TAF15: variants seen among roughly 807,000 people sequenced by gnomAD.
TAF15 encodes the protein TATA-binding protein-associated factor 2N.
A neutral mutation model predicts 102.5 loss-of-function variants in TAF15; 37 were observed. That is an observed-to-expected ratio of 0.36 (90% confidence interval 0.28 to 0.47). The LOEUF is 0.47. Among genes scored for constraint, TAF15 ranks in the 20% least tolerant of loss-of-function variants. The probability of loss-of-function intolerance (pLI) is 0.99; values close to 1 mark genes in which losing one functional copy is unlikely to be tolerated. For missense variants in TAF15, 652 were observed against 760.7 expected (o/e 0.86, Z 1.68); for synonymous variants, 273 against 259.2 (o/e 1.05, Z -0.51).
chr17:35,830,928 T>A (rs1302856817), intron 7 of TAF15, among the ~76,000 whole-genome samples: 1 of 152,196 alleles, frequency 6.6e-6, no homozygotes, highest in Non-Finnish European at 1.5e-5. Flanking sequence ...GTTAAGGAGA[T>A]TGAAGCTTAT....
intron 1 of TAF15, among the ~76,000 whole-genome samples, chr17:35,813,559 C>A (rs189914537): frequency 2.0e-5 from 3 of 151,942 alleles, no homozygotes; most frequent in Non-Finnish European, 4.4e-5. Flanking sequence ...TTGCTTGAGC[C>A]CAGGAAATCG....
At chr17:35,841,923 C>G (rs1020510856) in intron 11 of TAF15, among the ~76,000 whole-genome samples, 1 of 152,128 alleles carries the variant, frequency 6.6e-6, no homozygotes, top group Admixed American at 6.5e-5. Context: ...GTCTCAAACT[C>G]TTGGCCTCAA....
In TAF15 at chr17:35,843,519, C is replaced by A. The variant is rs745813919; in HGVS notation, c.1007-558C>A. The stretch of plus-strand genomic sequence containing the variant: ...TGTGGCCTTTGCATTCATATTCTTA[C>A]ATTTGGAGTTTTTGTCTTCTCACCT... On this transcript the variant is annotated intron_variant, in intron 12 of 15. Transcript: ENST00000605844. Among the ~76,000 whole-genome samples the A allele has an allele frequency of 3.3e-5, 5 of 152,078 alleles. No homozygotes were observed. The East Asian group carries it at 9.6e-4, about 29-fold the overall frequency.
intron 1 of TAF15, chr17:35,811,381 G>A (rs544775093): frequency 6.6e-6 from 1 of 152,108 alleles, no homozygotes; most frequent in East Asian, 1.9e-4. Context: ...TTGGCTTTTC[G>A]GTGTGTGAAA....
At chr17:35,829,631 CAAAAAAAAAAAAAA>C (rs746776421) in intron 7 of TAF15, among the ~76,000 whole-genome samples, 1 of 33,122 alleles carries the variant, frequency 3.0e-5, no homozygotes, top group Non-Finnish European at 5.8e-5. Context: ...GACTCCATCT[CAAAAAAAAAAAAAA>C]AAAAAAAAAA....
intron 7 of TAF15, among the ~76,000 whole-genome samples, chr17:35,826,638 A>G (rs1376089518): frequency 2.7e-5 from 4 of 150,122 alleles, no homozygotes; most frequent in South Asian, 2.1e-4. Flanking sequence ...GTTTACTGCA[A>G]CCTCCACCTC....
chr17:35,839,858 G>A (rs1368436836), intron 11 of TAF15, among the ~76,000 whole-genome samples: 1 of 152,010 alleles, frequency 6.6e-6, no homozygotes, highest in Non-Finnish European at 1.5e-5. Context: ...AACATTTAAA[G>A]GTAGTCATTT....
chr17:35,820,578 G>A, intron 5 of TAF15, 141 bp downstream of exon 5: 1 of 686,788 alleles, frequency 1.5e-6, no homozygotes, highest in Non-Finnish European at 2.5e-6. Context: ...TTTTACAACT[G>A]TATATTATGG....
intron 4 of TAF15, 21 bp from the exon 5 acceptor site, chr17:35,820,311 A>G (rs958224872): frequency 1.8e-5 from 29 of 1,613,628 alleles, no homozygotes; most frequent in Non-Finnish European, 2.4e-5. Flanking sequence ...TCACTAAATG[A>G]TATACTCATC....
intron 7 of TAF15, among the ~76,000 whole-genome samples, chr17:35,825,276 A>G (rs369109591): frequency 6.6e-6 from 1 of 152,238 alleles, no homozygotes; most frequent in East Asian, 1.9e-4. Context: ...ATGTTATAAG[A>G]CTTGGACATT....
intron 1 of TAF15, chr17:35,810,118 T>C (rs2087107858): frequency 5.2e-6 from 1 of 193,594 alleles, no homozygotes; most frequent in Non-Finnish European, 1.1e-5. Context: ...TTACACGAAA[T>C]CGTACTTATC....
intron 1 of TAF15, chr17:35,811,172 T>C (rs1412172460): frequency 6.6e-6 from 1 of 152,238 alleles, no homozygotes; most frequent in Non-Finnish European, 1.5e-5. Context: ...CCTGTCTTGA[T>C]CTTTAACATA....
chr17:35,820,955 T>G (rs2055327571), intron 5 of TAF15, among the ~76,000 whole-genome samples: 1 of 152,198 alleles, frequency 6.6e-6, no homozygotes, highest in African/African-American at 2.4e-5. Context: ...GAGCTGGTAC[T>G]TAATTTTATG....
At chr17:35,815,133 CA>C (rs1296071582) in intron 1 of TAF15, among the ~76,000 whole-genome samples, 1 of 152,020 alleles carries the variant, frequency 6.6e-6, no homozygotes, top group African/African-American at 2.4e-5. Flanking sequence ...GGGGGAAAAG[CA>C]AAACAGGAAA....
At chr17:35,817,000 T>G (rs1320933573) in intron 1 of TAF15, 2 of 152,114 alleles carry the variant, frequency 1.3e-5, no homozygotes, top group East Asian at 3.9e-4. Flanking sequence ...TTGTGTTTTT[T>G]GTAGAGATGG....
intron 10 of TAF15, among the ~76,000 whole-genome samples, chr17:35,837,221 G>GA (rs1414320122): frequency 3.3e-5 from 5 of 152,040 alleles, no homozygotes; most frequent in African/African-American, 1.2e-4. Context: ...GCATAATCAT[G>GA]GGTCACTGCA....
chr17:35,821,918 A>T (rs1421961571), intron 5 of TAF15, among the ~76,000 whole-genome samples: 2 of 152,198 alleles, frequency 1.3e-5, no homozygotes, highest in Non-Finnish European at 2.9e-5. Flanking sequence ...AAGAGAAGAC[A>T]CTTGTTAAAC....
At chr17:35,836,024 G>A (rs1298314127) in intron 9 of TAF15, 108 bp from the exon 10 acceptor site, 20 of 765,028 alleles carry the variant, frequency 2.6e-5, no homozygotes, top group Non-Finnish European at 4.0e-5. Context: ...TTTCCTTTTG[G>A]TCATAGAAAC....
chr17:35,812,072 G>T (rs915868280), intron 1 of TAF15, among the ~76,000 whole-genome samples: 3 of 151,928 alleles, frequency 2.0e-5, no homozygotes, highest in Admixed American at 6.6e-5. Context: ...TAAAACGTAC[G>T]GACCATTAAC....
Sources: allele counts gnomAD v4.1 joint callset (sites outside exome capture counted in the v4.1 genomes callset), GRCh38; gene constraint gnomAD v4.1.1; transcripts MANE v1.5; gene names NCBI Gene and HGNC (gene_info 2026-07-23, HGNC 2026-07-21).